The following DSG2 variants were observed in gnomAD, a reference collection of about 807,000 sequenced individuals.
DSG2 encodes the protein desmoglein 2, also known as desmoglein-2.
A neutral mutation model predicts 75.6 loss-of-function variants in DSG2; 45 were observed. The ratio of observed to expected loss-of-function variants is 0.60; its 90% CI spans 0.47 to 0.76. The LOEUF (loss-of-function observed/expected upper bound fraction) is 0.76. Ranked by LOEUF, DSG2 falls within the 30% of genes least tolerant of loss-of-function variation. DSG2 has a pLI of 0.00. For synonymous variants in DSG2, 429 were observed against 483.9 expected (o/e 0.89, Z 1.49); for missense variants, 1,267 against 1,357.4 (o/e 0.93, Z 1.05).
intron 9 of DSG2, among the ~76,000 whole-genome samples, chr18:31,532,289 G>A (rs1440578829): frequency 2.6e-5 from 4 of 152,210 alleles, no homozygotes; most frequent in African/African-American, 7.2e-5. Flanking sequence ...AAAGGAACAA[G>A]GGAACTCACT....
chr18:31,546,880 C>CTGAT lies in DSG2; in HGVS notation c.*138_*141dup, dbSNP rs1212389816. 1 of 914,524 alleles carries CTGAT rather than the reference C, an allele frequency of 1.1e-6. No individual in the cohort carries two copies. Among genetic ancestry groups the CTGAT allele is most frequent in the Non-Finnish European group, 1.8e-6 (1 of 564,570 alleles). The allele number at this position is 914,524 out of a possible 1,614,324, so 56.7% of individuals were successfully genotyped here. Reference sequence around the variant, plus strand: ...TTGATCTTAAAATTTTTCTCAGTCACTGATATGCAAAGGACCACACTGTCT... The same window carrying CTGAT: ...TTGATCTTAAAATTTTTCTCAGTCACTGATTGATATGCAAAGGACCACACTGTCT... On this transcript the variant is annotated 3_prime_UTR_variant, in exon 15 of 15. Transcript: ENST00000261590.
intron 11 of DSG2, among the ~76,000 whole-genome samples, chr18:31,537,388 G>T (rs577538921): frequency 5.9e-5 from 9 of 152,238 alleles, no homozygotes; most frequent in Admixed American, 1.3e-4. Context: ...GGGAGGCCAA[G>T]GCAGGCGGAT....
At position 31,535,297 on chromosome 18, in the gene DSG2, T is replaced by A. The variant is rs1163162410; in HGVS notation, c.1308T>A (p.Asn436Lys). Residue 436 changes from asparagine to lysine, a missense_variant, in exon 10 of 15, where the codon AAT becomes AAA. Physicochemically the swap from Asn to Lys is moderately conservative, Grantham distance 94 (BLOSUM62 0). Transcript: ENST00000261590. Reference sequence around the variant, plus strand: ...ATGTAAAATTAGAAGATAGAGATAATTGGATCTCTGTGGATTCTGTCACAT... The same window carrying A: ...ATGTAAAATTAGAAGATAGAGATAAATGGATCTCTGTGGATTCTGTCACAT... ...ARYVKLEDRDNWISVDSVTSE... is the reference protein window; with the variant it reads ...ARYVKLEDRDKWISVDSVTSE... 6.3e-7 allele frequency: 1 copy of A among 1,591,630 alleles called. No individual in the cohort carries two copies. Among genetic ancestry groups the A allele is most frequent in the Non-Finnish European group, 8.6e-7 (1 of 1,160,934 alleles).
intron 6 of DSG2, 139 bp downstream of exon 6, chr18:31,522,388 G>T (rs894678773): frequency 5.5e-5 from 48 of 869,382 alleles, no homozygotes; most frequent in Non-Finnish European, 8.0e-5. Flanking sequence ...CTCTTTTAGG[G>T]ATGTGCTGTC....
Position 31,520,831 on chromosome 18 carries a change from G to T in DSG2, c.245G>T (p.Gly82Val), listed in dbSNP as rs756081987. 12 of 1,613,650 alleles carry T rather than the reference G, an allele frequency of 7.4e-6. No homozygotes were observed. The highest frequency in any genetic ancestry group is 1.0e-5 in the Non-Finnish European group (12 of 1,179,792). The change falls in exon 4 of 15, where the codon GGA (glycine) becomes GTA (valine). Residue 82 changes from glycine to valine, a missense_variant. Physicochemically the swap from Gly to Val is moderately radical, Grantham distance 109. Coordinates refer to ENST00000261590, the MANE Select transcript of DSG2 (RefSeq NM_001943.5). ...CATTCTGATCTTGCAGAAGAAAGAG[G>T]ACTCAAAATTACTTACAAATACACT... ...KIHSDLAEER[G>V]LKITYKYTGK...
At chr18:31,536,464 A>C (rs2073231693) in intron 11 of DSG2, 35 bp downstream of exon 11, 1 of 1,549,602 alleles carries the variant, frequency 6.5e-7, no homozygotes, top group African/African-American at 1.4e-5. Flanking sequence ...AGAAATCTAA[A>C]TATTAAGCAT....
Position 31,519,851 on chromosome 18 carries a change from T to C in DSG2, c.130T>C (p.Leu44=). 1.2e-6 allele frequency: 2 copies of C among 1,614,134 alleles called. No homozygotes were observed. The highest frequency in any genetic ancestry group is 1.7e-6 in the Non-Finnish European group (2 of 1,180,024). Residue 44 remains leucine, a synonymous_variant, in exon 3 of 15, where the codon TTA becomes CTA. Coordinates refer to ENST00000261590, the MANE Select transcript of DSG2 (RefSeq NM_001943.5). ...ENKLLPKHPH[L]VRQKRAWITA... is the part of the protein sequence containing the mutation. The stretch of plus-strand genomic sequence containing the variant: ...TAAGCTGCTTCCTAAACATCCTCAT[T>C]TAGTGCGGCAAAAGCGCGCCTGGAT...
At chr18:31,498,899 C>A (rs1331417075) in intron 1 of DSG2, among the ~76,000 whole-genome samples, 1 of 152,088 alleles carries the variant, frequency 6.6e-6, no homozygotes, top group Non-Finnish European at 1.5e-5. Context: ...GTTGGTGTTT[C>A]AAAAGTTTTC....
rs1368007624 is a variant in DSG2 at position 31,546,237 on chromosome 18, G to C, written c.2851G>C (p.Val951Leu). Residue 951 changes from valine (V) to leucine (L), a missense_variant, in exon 15 of 15, where the codon GTG (valine) becomes CTG (leucine). Physicochemically the swap from Val to Leu is conservative, Grantham distance 32. Transcript: ENST00000261590. ...VTGSTMPPTT[V>L]ILGPSQPQSL... ...AGGGTCCACTATGCCACCAACCACT[G>C]TGATCCTGGGTCCTAGCCAGCCACA... 6.2e-7 allele frequency: 1 copy of C among 1,608,960 alleles called. No homozygotes were observed. Among genetic ancestry groups the C allele is most frequent in the Admixed American group, 1.7e-5 (1 of 59,724 alleles).
intron 9 of DSG2, among the ~76,000 whole-genome samples, chr18:31,532,266 T>C (rs1404237942): frequency 6.6e-6 from 1 of 152,182 alleles, no homozygotes; most frequent in East Asian, 1.9e-4. Context: ...TCTTGCTGCA[T>C]CCTCACGTGG....
intron 14 of DSG2, 108 bp downstream of exon 14, chr18:31,542,960 T>C: frequency 3.7e-6 from 1 of 269,300 alleles, no homozygotes; most frequent in Non-Finnish European, 5.4e-6. Context: ...AGACTTTGGG[T>C]TTTTTTTTTT....
chr18:31,522,308 CTCTTT>C, intron 6 of DSG2, 59 bp downstream of exon 6: 1 of 1,502,640 alleles, frequency 6.7e-7, no homozygotes, highest in African/African-American at 1.4e-5. Context: ...AGTTTCTCCT[CTCTTT>C]TTCTTTTCTA....
chr18:31,546,308 G>A lies in DSG2; in HGVS notation c.2922G>A (p.Leu974=), dbSNP rs1191489072. ...GGGTGTATGCTCCAGCTTCTACCTT[G>A]GTAGATCAGCCTTATGCTAATGAAG... ...TERVYAPAST[L]VDQPYANEGT... The change falls in exon 15 of 15, where the codon TTG becomes TTA. Residue 974 remains leucine (L), a synonymous_variant. Coordinates refer to ENST00000261590, the MANE Select transcript of DSG2 (RefSeq NM_001943.5). The A allele has an allele frequency of 6.2e-7, 1 of 1,604,414 alleles. No homozygotes were observed. The highest frequency in any genetic ancestry group is 1.3e-5 in the African/African-American group (1 of 74,710).
At chr18:31,503,869 C>T (rs1384297542) in intron 1 of DSG2, among the ~76,000 whole-genome samples, 1 of 152,086 alleles carries the variant, frequency 6.6e-6, no homozygotes, top group Non-Finnish European at 1.5e-5. Context: ...ATTTAGTTCC[C>T]AAGGTCCAGG....
At chr18:31,523,665 GT>G (rs140625404) in intron 6 of DSG2, among the ~76,000 whole-genome samples, 285 of 152,306 alleles carry the variant, frequency 1.9e-3, no homozygotes, top group African/African-American at 6.4e-3. Flanking sequence ...GCCAGGTACT[GT>G]TCTAAGCCTT....
intron 2 of DSG2, among the ~76,000 whole-genome samples, chr18:31,518,549 T>C (rs534566231): frequency 1.3e-5 from 2 of 152,286 alleles, no homozygotes; most frequent in African/African-American, 4.8e-5. Flanking sequence ...CAAAATAAGA[T>C]ATATAGTGTA....
At chr18:31,513,129 C>A (rs7231817) in intron 1 of DSG2, among the ~76,000 whole-genome samples, 3,233 of 152,198 alleles carry the variant, frequency 0.021, 119 homozygotes, top group African/African-American at 0.073. Flanking sequence ...GTAACAAAAC[C>A]CAACTAAAAC....
In DSG2 at chr18:31,546,333, G is replaced by A. The variant is rs1374095036; in HGVS notation, c.2947G>A (p.Gly983Ser). 6.2e-7 allele frequency: 1 copy of A among 1,610,270 alleles called. No homozygotes were observed. Among genetic ancestry groups the A allele is most frequent in the South Asian group, 1.1e-5 (1 of 90,714 alleles). The change falls in exon 15 of 15, where the codon GGT becomes AGT. Residue 983 changes from glycine (G) to serine (S), a missense_variant. By Grantham distance (56) the Gly-to-Ser change is moderately conservative. Transcript: ENST00000261590. ...TLVDQPYANE[G>S]TVVVTERVIQ... ...GGTAGATCAGCCTTATGCTAATGAA[G>A]GTACAGTTGTGGTCACTGAAAGAGT...
chr18:31,521,022 A>T, intron 4 of DSG2, 58 bp downstream of exon 4: 1 of 1,608,122 alleles, frequency 6.2e-7, no homozygotes, highest in Non-Finnish European at 8.5e-7. Context: ...AATAAGTGTC[A>T]TTTGTTTTAT....
Sources: gnomAD v4.1 joint callset for allele counts (sites outside exome capture counted in the v4.1 genomes callset) on GRCh38, gnomAD v4.1.1 for gene constraint, MANE v1.5 for transcripts, NCBI Gene and HGNC (gene_info 2026-07-23, HGNC 2026-07-21) for gene names.